PI15: variants seen among roughly 807,000 people sequenced by gnomAD.
PI15 encodes the protein peptidase inhibitor 15, also known as 25 kDa trypsin inhibitor.
A neutral mutation model predicts 31.0 loss-of-function variants in PI15; 18 were observed. That is an observed-to-expected ratio of 0.58 (90% CI 0.40 to 0.86). The LOEUF is 0.86. PI15 is among the 40% of genes least tolerant of loss of function. The pLI is 0.00. For missense variants in PI15, 282 were observed against 328.1 expected, an observed-to-expected ratio of 0.86 and a Z score of 1.09; for synonymous variants, 118 against 119.1, an observed-to-expected ratio of 0.99 and a Z score of 0.06.
In PI15 at chr8:74,845,210, C is replaced by T; in HGVS notation, c.475C>T (p.Pro159Ser). 1 of 1,613,024 alleles carries T rather than the reference C, an allele frequency of 6.2e-7. No homozygotes were observed. Among genetic ancestry groups the T allele is most frequent in the African/African-American group, 1.3e-5 (1 of 75,008 alleles). Residue 159 changes from proline to serine, a missense_variant, in exon 4 of 6, where the codon CCC becomes TCC. Coordinates refer to ENST00000260113, the MANE Select transcript of PI15 (RefSeq NM_015886.5). ...TTTTCCATATCCCCAGGATTGCAAC[C>T]CCAGATGTCCTATGAGATGTTTTGG... is the stretch of plus-strand genomic sequence containing the variant. ...YAFPYPQDCN[P>S]RCPMRCFGPM...
At position 74,849,158 on chromosome 8, in the gene PI15, C is replaced by A. The variant is rs763073877; in HGVS notation, c.682C>A (p.Pro228Thr). 2.5e-6 allele frequency: 4 copies of A among 1,612,510 alleles called. No homozygotes were observed. In the South Asian group the frequency reaches 4.4e-5, roughly 18 times the overall value. Residue 228 changes from proline to threonine, a missense_variant, in exon 6 of 6, where the codon CCA becomes ACA. Coordinates refer to ENST00000260113, the MANE Select transcript of PI15 (RefSeq NM_015886.5). ...AGAAGCACCATATAAAGTAGGGGTACCATGTTCATCTTGTCCTCCAAGTTA... is the reference window on the plus strand; with the variant it reads ...AGAAGCACCATATAAAGTAGGGGTAACATGTTCATCTTGTCCTCCAAGTTA... ...IGEAPYKVGV[P>T]CSSCPPSYGG... is the part of the protein sequence containing the mutation.
chr8:74,839,307 G>C (rs1437703919), intron 2 of PI15, among the ~76,000 whole-genome samples: 1 of 152,224 alleles, frequency 6.6e-6, no homozygotes, highest in East Asian at 1.9e-4. Flanking sequence ...TTAGTCCAGA[G>C]CTAAATCAAC....
intron 2 of PI15, among the ~76,000 whole-genome samples, chr8:74,828,247 G>A (rs1487179654): frequency 6.6e-6 from 1 of 152,126 alleles, no homozygotes; most frequent in Non-Finnish European, 1.5e-5. Flanking sequence ...CACTGAAAGA[G>A]CCTGGAGGCA....
chr8:74,853,119 CTTAG>C lies in PI15; in HGVS notation c.*3867_*3870del, dbSNP rs1811130634. The C allele has an allele frequency of 3.3e-5, 5 of 152,498 alleles. No individual in the cohort carries two copies. Among genetic ancestry groups the C allele is most frequent in the Non-Finnish European group, 5.9e-5 (4 of 67,960 alleles). The allele number at this position is 152,498 out of a possible 1,614,324, so 9.4% of individuals were successfully genotyped here. A position where few individuals can be genotyped will look rare whatever the true frequency, so the allele number is the denominator to read the frequency against. On this transcript the variant is annotated 3_prime_UTR_variant, in exon 6 of 6. Coordinates refer to ENST00000260113, the MANE Select transcript of PI15 (RefSeq NM_015886.5). ...TGACTTATGGGAGATCAGTCAAAAACTTAGAAGGTTTAACACTTCACTGATTAAT... is the reference window on the plus strand; with the variant it reads ...TGACTTATGGGAGATCAGTCAAAAACAAGGTTTAACACTTCACTGATTAAT...
intron 2 of PI15, among the ~76,000 whole-genome samples, chr8:74,832,989 AATCT>A (rs930217384): frequency 4.5e-4 from 69 of 152,202 alleles, no homozygotes; most frequent in African/African-American, 1.6e-3. Flanking sequence ...CATTCTACCA[AATCT>A]ATCTCTCTGC....
chr8:74,827,483 T>A (rs142528441), intron 2 of PI15, among the ~76,000 whole-genome samples: 1 of 152,288 alleles, frequency 6.6e-6, no homozygotes, highest in Non-Finnish European at 1.5e-5. Flanking sequence ...CCATAGACGA[T>A]CTCATTTGAT....
Position 74,849,239 on chromosome 8 carries a change from T to C in PI15, c.763T>C (p.Tyr255His), listed in dbSNP as rs758362523. Reference sequence around the variant, plus strand: ...TCCAGGAGTTACGTCAAACTACCTGTACTGGTTTAAATAAGTTTACCTTTT... The same window carrying C: ...TCCAGGAGTTACGTCAAACTACCTGCACTGGTTTAAATAAGTTTACCTTTT... ...CFPGVTSNYL[Y>H]WFK The change falls in exon 6 of 6, where the codon TAC becomes CAC. Residue 255 changes from tyrosine (Y) to histidine (H), a missense_variant. By Grantham distance (83) the Tyr-to-His change is moderately conservative (BLOSUM62 2). Coordinates refer to ENST00000260113, the MANE Select transcript of PI15 (RefSeq NM_015886.5). 6.2e-6 allele frequency: 10 copies of C among 1,612,096 alleles called. No homozygotes were observed. The highest frequency in any genetic ancestry group is 8.5e-6 in the Non-Finnish European group (10 of 1,178,806).
rs1811141108 is a variant in PI15, at chr8:74,853,840, T to A, written c.*4587T>A. ...TCTGAGGCACTTATTAAAGTGCTTT[T>A]TTTTTTCTGAATTAATTAGGTATTG... On this transcript the variant is annotated 3_prime_UTR_variant, in exon 6 of 6. Coordinates refer to ENST00000260113, the MANE Select transcript of PI15 (RefSeq NM_015886.5). 1 of 152,060 alleles carries A rather than the reference T, an allele frequency of 6.6e-6. No individual in the cohort carries two copies. Among genetic ancestry groups the A allele is most frequent in the African/African-American group, 2.4e-5 (1 of 41,436 alleles). 9.4% of individuals were successfully genotyped at this position (152,060 alleles called of 1,614,324 possible).
chr8:74,850,940 TG>T lies in PI15; in HGVS notation c.*1688del, dbSNP rs1339101079. The stretch of plus-strand genomic sequence containing the variant: ...GTGCAAATTACAGAAGGAAGCTACT[TG>T]TTTAAAATTCCATACACGTTTGCAG... On this transcript the variant is annotated 3_prime_UTR_variant, in exon 6 of 6. Transcript: ENST00000260113. 6.6e-6 allele frequency: 1 copy of T among 152,534 alleles called. No homozygotes were observed. The highest frequency in any genetic ancestry group is 2.4e-5 in the African/African-American group (1 of 41,450). 9.4% of individuals were successfully genotyped at this position (152,534 alleles called of 1,614,324 possible).
At chr8:74,827,208 G>T (rs1219393210) in intron 2 of PI15, among the ~76,000 whole-genome samples, 2 of 151,996 alleles carry the variant, frequency 1.3e-5, no homozygotes, top group East Asian at 3.9e-4. Context: ...CCTTGCACAG[G>T]TTATTTAATG....
rs1346187566 is a variant in PI15, at chr8:74,849,677, T to C, written c.*424T>C. ...ATGTGATGTAACATGTAGATGATAA[T>C]ATGATTCAGTAGTCAACTTGAGGGA... On this transcript the variant is annotated 3_prime_UTR_variant, in exon 6 of 6. Coordinates refer to ENST00000260113, the MANE Select transcript of PI15 (RefSeq NM_015886.5). 1.3e-5 allele frequency: 2 copies of C among 152,782 alleles called. No homozygotes were observed. Among genetic ancestry groups the C allele is most frequent in the Non-Finnish European group, 2.9e-5 (2 of 68,512 alleles). 9.5% of individuals were successfully genotyped at this position (152,782 alleles called of 1,614,324 possible).
Position 74,845,171 on chromosome 8 carries a change from G to A in PI15, c.436G>A (p.Val146Met). 1 of 1,612,736 alleles carries A rather than the reference G, an allele frequency of 6.2e-7. No homozygotes were observed. The highest frequency in any genetic ancestry group is 8.5e-7 in the Non-Finnish European group (1 of 1,178,720). ...LQLVKPWYDEVKDYAFPYPQD... is the reference protein window; with the variant it reads ...LQLVKPWYDEMKDYAFPYPQD... Reference sequence around the variant, plus strand: ...GTTGGTCAAGCCATGGTATGATGAAGTGAAAGATTATGCTTTTCCATATCC... The same window carrying A: ...GTTGGTCAAGCCATGGTATGATGAAATGAAAGATTATGCTTTTCCATATCC... The change falls in exon 4 of 6, where the codon GTG becomes ATG. Residue 146 changes from valine (V) to methionine (M), a missense_variant. Val to Met is a conservative substitution (Grantham distance 21). Coordinates refer to ENST00000260113, the MANE Select transcript of PI15 (RefSeq NM_015886.5).
rs1311507953 is a variant in PI15, at chr8:74,851,674, G to T, written c.*2421G>T. On this transcript the variant is annotated 3_prime_UTR_variant, in exon 6 of 6. Transcript: ENST00000260113. ...ATGTTTAATAAATGCTTATATGAAT[G>T]GATTTTTAGAATTAACTAAGAAGCC... 3.3e-5 allele frequency: 5 copies of T among 151,888 alleles called. No homozygotes were observed. The highest frequency in any genetic ancestry group is 7.4e-5 in the Non-Finnish European group (5 of 67,928). The allele number at this position is 151,888 out of a possible 1,614,324, so 9.4% of individuals were successfully genotyped here.
At chr8:74,831,328 T>G (rs1357233223) in intron 2 of PI15, among the ~76,000 whole-genome samples, 5 of 152,190 alleles carry the variant, frequency 3.3e-5, no homozygotes, top group African/African-American at 9.6e-5. Context: ...TTTGACCAAA[T>G]GCAACATTGT....
intron 5 of PI15, among the ~76,000 whole-genome samples, chr8:74,847,402 G>A (rs529207723): frequency 6.6e-5 from 10 of 150,772 alleles, no homozygotes; most frequent in African/African-American, 9.8e-5. Flanking sequence ...CTGAGATCAC[G>A]CCATTGCACT....
In PI15 at chr8:74,849,242, T is replaced by C; in HGVS notation, c.766T>C (p.Trp256Arg). The stretch of plus-strand genomic sequence containing the variant: ...AGGAGTTACGTCAAACTACCTGTAC[T>C]GGTTTAAATAAGTTTACCTTTTCCT... ...FPGVTSNYLY[W>R]FK Residue 256 changes from tryptophan (W) to arginine (R), a missense_variant, in exon 6 of 6, where the codon TGG becomes CGG. By Grantham distance (101) the Trp-to-Arg change is moderately radical (BLOSUM62 -3). Coordinates refer to ENST00000260113, the MANE Select transcript of PI15 (RefSeq NM_015886.5). 1.2e-6 allele frequency: 2 copies of C among 1,611,640 alleles called. No homozygotes were observed. The highest frequency in any genetic ancestry group is 1.7e-6 in the Non-Finnish European group (2 of 1,178,490).
intron 2 of PI15, among the ~76,000 whole-genome samples, chr8:74,830,510 T>C (rs554280563): frequency 1.2e-4 from 19 of 152,230 alleles, no homozygotes; most frequent in African/African-American, 4.3e-4. Flanking sequence ...AACAGATTAA[T>C]CCATGCTTGA....
intron 2 of PI15, among the ~76,000 whole-genome samples, chr8:74,835,614 C>A (rs904999713): frequency 6.6e-6 from 1 of 152,168 alleles, no homozygotes. Context: ...ATTCATTCAG[C>A]ACCTACTTCT....
intron 2 of PI15, among the ~76,000 whole-genome samples, chr8:74,842,629 G>T (rs1407979604): frequency 6.6e-6 from 1 of 152,020 alleles, no homozygotes; most frequent in Non-Finnish European, 1.5e-5. Flanking sequence ...TACCATTTCA[G>T]AACTGATTTA....
Sources: allele counts gnomAD v4.1 joint callset (sites outside exome capture counted in the v4.1 genomes callset), GRCh38; gene constraint gnomAD v4.1.1; transcripts MANE v1.5; gene names NCBI Gene and HGNC (gene_info 2026-07-23, HGNC 2026-07-21).